The following AGBL4 variants were observed in gnomAD, a reference collection of about 807,000 sequenced individuals.
AGBL4 encodes the protein cytosolic carboxypeptidase 6.
AGBL4 carries 58 observed loss-of-function variants against 66.4 expected under a neutral mutation model. The observed-to-expected ratio is 0.87, with a 90% CI of 0.71 to 1.09. The LOEUF is 1.09. Among genes scored for constraint, AGBL4 ranks in the 50% least tolerant of loss-of-function variants. AGBL4 has a pLI of 0.00. For missense variants in AGBL4, 579 were observed against 631.0 expected (o/e 0.92, Z 0.88); for synonymous variants, 234 against 222.9 (o/e 1.05, Z -0.44).
At chr1:49,142,086 A>G (rs1646128979) in intron 4 of AGBL4, among the ~76,000 whole-genome samples, 1 of 152,036 alleles carries the variant, frequency 6.6e-6, no homozygotes, top group Admixed American at 6.6e-5. Context: ...TGAGAACCCT[A>G]TTGTCAACTG....
intron 3 of AGBL4, among the ~76,000 whole-genome samples, chr1:49,495,555 A>G (rs1647474769): frequency 6.6e-6 from 1 of 152,012 alleles, no homozygotes; most frequent in African/African-American, 2.4e-5. Context: ...ACAAAAAAAA[A>G]AACCAGGTTT....
intron 2 of AGBL4, among the ~76,000 whole-genome samples, chr1:49,764,568 C>T (rs185557947): frequency 1.8e-3 from 272 of 152,230 alleles, no homozygotes; most frequent in Non-Finnish European, 2.9e-3. Flanking sequence ...TCCATCAGGA[C>T]GTCTAGGGGC....
At chr1:48,958,591 G>GTCC (rs1450235743) in intron 5 of AGBL4, among the ~76,000 whole-genome samples, 8 of 152,244 alleles carry the variant, frequency 5.3e-5, no homozygotes, top group African/African-American at 1.9e-4. Context: ...AGCAAGGGAA[G>GTCC]TCCTGGTCTT....
At chr1:49,332,209 A>G (rs1238367409) in intron 3 of AGBL4, among the ~76,000 whole-genome samples, 1 of 152,234 alleles carries the variant, frequency 6.6e-6, no homozygotes, top group East Asian at 1.9e-4. Flanking sequence ...TCAGTATAGA[A>G]TGATAACATT....
At position 49,991,780 on chromosome 1, in the gene AGBL4, G is replaced by A. The variant is rs79778745; in HGVS notation, c.34+31983C>T. On this transcript the variant is annotated intron_variant, in intron 1 of 13. Coordinates refer to ENST00000371839, the MANE Select transcript of AGBL4 (RefSeq NM_032785.4). ...AACTTAGTTTTTTTTAATTCCTTTC[G>A]CTCTCCTCTCTGGAGAGACAACATC... Among the ~76,000 whole-genome samples the A allele has an allele frequency of 8.2e-3, 1,241 of 151,564 alleles. 9 individuals carry two copies. Among genetic ancestry groups the A allele is most frequent in the Middle Eastern group, 0.031 (9 of 294 alleles).
At chr1:49,877,216 A>G (rs965822921) in intron 1 of AGBL4, among the ~76,000 whole-genome samples, 1 of 150,960 alleles carries the variant, frequency 6.6e-6, no homozygotes, top group African/African-American at 2.5e-5. Flanking sequence ...GTGGTGAGAG[A>G]GGGCATCCCT....
intron 3 of AGBL4, among the ~76,000 whole-genome samples, chr1:49,672,799 G>A (rs774607756): frequency 2.6e-5 from 4 of 151,372 alleles, no homozygotes; most frequent in Non-Finnish European, 5.9e-5. Context: ...GCGGGCACCT[G>A]TAATCCCAGC....
chr1:48,897,691 ATGT>A (rs1651656886), intron 5 of AGBL4, among the ~76,000 whole-genome samples: 1 of 151,622 alleles, frequency 6.6e-6, no homozygotes, highest in Non-Finnish European at 1.5e-5. Flanking sequence ...GTGAAATAAC[ATGT>A]TGTTTTAATT....
intron 3 of AGBL4, among the ~76,000 whole-genome samples, chr1:49,662,068 T>A (rs574083189): frequency 6.6e-6 from 1 of 151,574 alleles, no homozygotes; most frequent in South Asian, 2.1e-4. Flanking sequence ...CAAAAAGAAA[T>A]AATAATATAT....
chr1:48,712,400 C>A (rs320058), intron 6 of AGBL4, among the ~76,000 whole-genome samples: 7 of 152,078 alleles, frequency 4.6e-5, no homozygotes, highest in Non-Finnish European at 1.0e-4. Context: ...GGGTAGGACC[C>A]TGAGCATATC....
intron 3 of AGBL4, among the ~76,000 whole-genome samples, chr1:49,494,522 G>T (rs1647354907): frequency 6.6e-6 from 1 of 151,876 alleles, no homozygotes; most frequent in Non-Finnish European, 1.5e-5. Context: ...AGAATATGTG[G>T]TGTTTGGTTT....
At chr1:49,994,780 T>G (rs1391901653) in intron 1 of AGBL4, 1 of 244,342 alleles carries the variant, frequency 4.1e-6, no homozygotes, top group Admixed American at 5.2e-5. Flanking sequence ...AGCTTGCTGC[T>G]GCAGACTCCA....
At chr1:49,345,489 T>G (rs1645618212) in intron 3 of AGBL4, among the ~76,000 whole-genome samples, 1 of 152,034 alleles carries the variant, frequency 6.6e-6, no homozygotes, top group Non-Finnish European at 1.5e-5. Flanking sequence ...AAGGGTGCCA[T>G]TAAAATAGAG....
chr1:49,758,459 T>C (rs2147855805), intron 2 of AGBL4, among the ~76,000 whole-genome samples: 1 of 152,196 alleles, frequency 6.6e-6, no homozygotes, highest in East Asian at 1.9e-4. Context: ...TTGGAAAACC[T>C]GCAGGCACTC....
rs1383739029 is a variant in AGBL4 at position 49,699,861 on chromosome 1, T to C, written c.158-2424A>G. Among the ~76,000 whole-genome samples, 3 of 152,038 alleles carry C rather than the reference T, an allele frequency of 2.0e-5. No homozygotes were observed. In the East Asian group the frequency reaches 5.8e-4, roughly 29 times the overall value. Reference sequence around the variant, plus strand: ...TAGTTAATAATATTATATATCATACTGGAAATGTGCTTAGAAAGTAGATTG... The same window carrying C: ...TAGTTAATAATATTATATATCATACCGGAAATGTGCTTAGAAAGTAGATTG... On this transcript the variant is annotated intron_variant, in intron 2 of 13. Coordinates refer to ENST00000371839, the MANE Select transcript of AGBL4 (RefSeq NM_032785.4).
chr1:49,196,379 G>C (rs1647255860), intron 4 of AGBL4, among the ~76,000 whole-genome samples: 2 of 151,986 alleles, frequency 1.3e-5, no homozygotes, highest in Admixed American at 6.6e-5. Flanking sequence ...GAATATATCT[G>C]TCTCCTTGGT....
chr1:49,788,397 T>C (rs1328877365), intron 2 of AGBL4, among the ~76,000 whole-genome samples: 2 of 151,678 alleles, frequency 1.3e-5, no homozygotes, highest in African/African-American at 4.8e-5. Context: ...TAACAAAATA[T>C]TTCTAGATAT....
chr1:49,214,110 C>T (rs1031101062), intron 4 of AGBL4, among the ~76,000 whole-genome samples: 2 of 152,086 alleles, frequency 1.3e-5, no homozygotes, highest in Non-Finnish European at 1.5e-5. Flanking sequence ...GAGACAGACA[C>T]ATAAACAGAG....
intron 4 of AGBL4, among the ~76,000 whole-genome samples, chr1:49,146,446 C>T (rs1171584171): frequency 6.6e-6 from 1 of 151,946 alleles, no homozygotes; most frequent in Non-Finnish European, 1.5e-5. Flanking sequence ...AGGTATCTAG[C>T]ATTGTGGGGG....
Sources: allele counts gnomAD v4.1 joint callset (sites outside exome capture counted in the v4.1 genomes callset), GRCh38; gene constraint gnomAD v4.1.1; transcripts MANE v1.5; gene names NCBI Gene and HGNC (gene_info 2026-07-23, HGNC 2026-07-21).